Variants in CCDC152 observed in about 807,000 individuals in gnomAD.
The protein encoded by CCDC152 is coiled-coil domain-containing protein 152.
Under a neutral mutation model 38.1 loss-of-function variants are expected in CCDC152, and 37 were observed. The observed-to-expected ratio is 0.97, with a 90% CI of 0.75 to 1.28. CCDC152 has a LOEUF of 1.28. Among genes scored for constraint, CCDC152 ranks in the 50% most tolerant of loss-of-function variants. The pLI is 0.00. For synonymous variants in CCDC152, 83 were observed against 87.1 expected, an observed-to-expected ratio of 0.95 and a Z score of 0.26; for missense variants, 259 against 292.1, an observed-to-expected ratio of 0.89 and a Z score of 0.83.
intron 2 of CCDC152, 92 bp downstream of exon 2, chr5:42,759,300 A>C (rs2111931703): frequency 3.1e-6 from 2 of 637,432 alleles, no homozygotes; most frequent in Non-Finnish European, 5.4e-6. Context: ...AAAATATACC[A>C]AAAAATGATC....
intron 4 of CCDC152, among the ~76,000 whole-genome samples, chr5:42,771,155 C>T (rs370597892): frequency 1.3e-5 from 2 of 152,168 alleles, no homozygotes; most frequent in South Asian, 4.2e-4. Context: ...GGCAAAAATG[C>T]TAAACACACT....
intron 4 of CCDC152, among the ~76,000 whole-genome samples, chr5:42,776,160 G>A (rs377124738): frequency 9.9e-5 from 15 of 151,892 alleles, no homozygotes; most frequent in South Asian, 4.1e-4. Context: ...TTATCAGAGC[G>A]GATCAAAAAA....
At chr5:42,775,397 A>G (rs1426556704) in intron 4 of CCDC152, among the ~76,000 whole-genome samples, 1 of 152,234 alleles carries the variant, frequency 6.6e-6, no homozygotes, top group East Asian at 1.9e-4. Context: ...CCATGCAAAC[A>G]GTAAAGGAGT....
At chr5:42,796,109 G>T (rs1324056519) in intron 6 of CCDC152, among the ~76,000 whole-genome samples, 3 of 151,864 alleles carry the variant, frequency 2.0e-5, no homozygotes, top group African/African-American at 7.3e-5. Context: ...GGAGATGGGG[G>T]AGGGATAGCA....
At chr5:42,777,467 T>TAAAA (rs35424997) in intron 4 of CCDC152, among the ~76,000 whole-genome samples, 4 of 134,818 alleles carry the variant, frequency 3.0e-5, no homozygotes, top group Admixed American at 7.4e-5. Flanking sequence ...CATCTCAATA[T>TAAAA]AAAAAAAAAA....
chr5:42,768,865 C>T (rs1342384134), intron 3 of CCDC152, among the ~76,000 whole-genome samples: 1 of 152,170 alleles, frequency 6.6e-6, no homozygotes, highest in African/African-American at 2.4e-5. Flanking sequence ...GCAGAGATTG[C>T]TTAGGCACAT....
At chr5:42,785,615 A>G (rs1759911318) in intron 6 of CCDC152, among the ~76,000 whole-genome samples, 1 of 151,990 alleles carries the variant, frequency 6.6e-6, no homozygotes, top group Admixed American at 6.6e-5. Context: ...AATGGCTACT[A>G]TTTATTTCTC....
rs138556182 is a variant in CCDC152 at position 42,762,307 on chromosome 5, A to G, written c.88-136A>G. The G allele has an allele frequency of 1.1e-3, 633 of 581,516 alleles. 7 individuals carry two copies. In the East Asian group the frequency reaches 0.018, roughly 17 times the overall value. The allele number at this position is 581,516 out of a possible 1,614,324, so 36.0% of individuals were successfully genotyped here. On this transcript the variant is annotated intron_variant, in intron 2 of 8. Transcript: ENST00000361970. ...TGATCAAAATGTCTTTATGCAGTAC[A>G]TGACTGTATATGTATTTTTTTATTA...
chr5:42,776,672 C>T (rs1307375578), intron 4 of CCDC152, among the ~76,000 whole-genome samples: 1 of 152,196 alleles, frequency 6.6e-6, no homozygotes, highest in African/African-American at 2.4e-5. Context: ...GTTTATAAAA[C>T]ACACCTTAGC....
At chr5:42,780,746 A>AG (rs898306075) in intron 5 of CCDC152, among the ~76,000 whole-genome samples, 1 of 152,220 alleles carries the variant, frequency 6.6e-6, no homozygotes, top group Non-Finnish European at 1.5e-5. Context: ...AAAACTCCCC[A>AG]GGAACAAACT....
At chr5:42,782,962 C>T (rs1467782197) in intron 5 of CCDC152, among the ~76,000 whole-genome samples, 3 of 151,948 alleles carry the variant, frequency 2.0e-5, no homozygotes, top group Non-Finnish European at 4.4e-5. Flanking sequence ...CAGGGCCTCC[C>T]GGGTTCACGC....
chr5:42,762,864 T>A lies in CCDC152; in HGVS notation c.193+316T>A, dbSNP rs373595658. On this transcript the variant is annotated intron_variant, in intron 3 of 8. Transcript: ENST00000361970. ...CCTATAAAAACCATAGGGAAAAAAA[T>A]TAAGTTGAATTTCTACCTTATAATT... Among the ~76,000 whole-genome samples the A allele has an allele frequency of 1.6e-3, 250 of 152,196 alleles. 1 individual carries two copies. Among genetic ancestry groups the A allele is most frequent in the African/African-American group, 5.7e-3 (235 of 41,530 alleles).
intron 1 of CCDC152, among the ~76,000 whole-genome samples, 186 bp downstream of exon 1, chr5:42,757,071 A>T (rs1322785554): frequency 2.8e-5 from 4 of 145,080 alleles, no homozygotes; most frequent in Non-Finnish European, 6.0e-5. Context: ...CTAGAAAGCG[A>T]TTCGAAACTC....
At chr5:42,790,074 A>C (rs1014653818) in intron 6 of CCDC152, among the ~76,000 whole-genome samples, 1 of 152,260 alleles carries the variant, frequency 6.6e-6, no homozygotes, top group Non-Finnish European at 1.5e-5. Context: ...TAAAGGGTTT[A>C]TATCCAAAAA....
chr5:42,773,718 T>A (rs1449848697), intron 4 of CCDC152, among the ~76,000 whole-genome samples: 1 of 152,232 alleles, frequency 6.6e-6, no homozygotes, highest in African/African-American at 2.4e-5. Flanking sequence ...TCACTTCTCC[T>A]ACCCCCATAC....
chr5:42,771,584 C>T (rs928831774), intron 4 of CCDC152, among the ~76,000 whole-genome samples: 2 of 150,920 alleles, frequency 1.3e-5, no homozygotes, highest in African/African-American at 2.4e-5. Flanking sequence ...AAAGAGAAGA[C>T]GATACAACTG....
At chr5:42,798,832 C>T (rs28918071) in intron 7 of CCDC152, among the ~76,000 whole-genome samples, 1 of 152,010 alleles carries the variant, frequency 6.6e-6, no homozygotes, top group South Asian at 2.1e-4. Context: ...ACTTTTTTAA[C>T]CTGATTCAGT....
chr5:42,788,962 C>T (rs1254281158), intron 6 of CCDC152, among the ~76,000 whole-genome samples: 1 of 152,160 alleles, frequency 6.6e-6, no homozygotes, highest in Non-Finnish European at 1.5e-5. Flanking sequence ...TGGGCAGCAG[C>T]AGTGGCCCAC....
At chr5:42,798,059 G>A (rs185630273) in intron 7 of CCDC152, among the ~76,000 whole-genome samples, 2 of 152,184 alleles carry the variant, frequency 1.3e-5, no homozygotes, top group African/African-American at 4.8e-5. Flanking sequence ...GCTGAGGCAG[G>A]AGAATCACTT....
Sources: gnomAD v4.1 joint callset for allele counts (sites outside exome capture counted in the v4.1 genomes callset) on GRCh38, gnomAD v4.1.1 for gene constraint, MANE v1.5 for transcripts, NCBI Gene and HGNC (gene_info 2026-07-23, HGNC 2026-07-21) for gene names.